Variants in ATP2B1 observed in about 807,000 individuals in gnomAD.
ATP2B1 encodes the protein plasma membrane calcium-transporting ATPase 1.
Under a neutral mutation model 124.2 loss-of-function variants are expected in ATP2B1, and 14 were observed. The ratio of observed to expected loss-of-function variants is 0.11; its 90% CI spans 0.07 to 0.18. The LOEUF is 0.18. Among genes scored for constraint, ATP2B1 ranks in the 10% least tolerant of loss-of-function variants. ATP2B1 has a pLI of 1.00. For synonymous variants in ATP2B1, 449 were observed against 492.4 expected (o/e 0.91, Z 1.17); for missense variants, 763 against 1,466.1 (o/e 0.52, Z 7.83).
intron 1 of ATP2B1, among the ~76,000 whole-genome samples, chr12:89,667,009 A>G (rs1887388293): frequency 6.6e-6 from 1 of 152,098 alleles, no homozygotes; most frequent in Admixed American, 6.6e-5. Context: ...AAAAACAAAA[A>G]ACATGTCTCT....
At chr12:89,675,430 G>C (rs1222979006) in intron 1 of ATP2B1, among the ~76,000 whole-genome samples, 2 of 152,126 alleles carry the variant, frequency 1.3e-5, no homozygotes, top group African/African-American at 4.8e-5. Flanking sequence ...CCTGTATTCT[G>C]AAAGCAGAAT....
intron 1 of ATP2B1, among the ~76,000 whole-genome samples, chr12:89,681,376 C>T (rs1037212905): frequency 2.3e-5 from 3 of 130,456 alleles, no homozygotes; most frequent in Admixed American, 9.1e-5. Flanking sequence ...AGAAAAATCC[C>T]TATAAATTTT....
At chr12:89,621,245 T>A (rs1879911862) in intron 10 of ATP2B1, among the ~76,000 whole-genome samples, 1 of 152,076 alleles carries the variant, frequency 6.6e-6, no homozygotes, top group African/African-American at 2.4e-5. Flanking sequence ...GACAGTTTGA[T>A]CTTTCTCAAA....
intron 1 of ATP2B1, among the ~76,000 whole-genome samples, chr12:89,665,741 C>T (rs1887239597): frequency 6.6e-6 from 1 of 152,180 alleles, no homozygotes; most frequent in Non-Finnish European, 1.5e-5. Context: ...GCAACATGAA[C>T]ACTTGAATGT....
chr12:89,688,928 G>C (rs1213763877), intron 1 of ATP2B1, among the ~76,000 whole-genome samples: 2 of 151,992 alleles, frequency 1.3e-5, no homozygotes, highest in African/African-American at 4.8e-5. Flanking sequence ...CGTATCTTTT[G>C]CTTATAGGTT....
chr12:89,634,289 T>C (rs1042733094), intron 5 of ATP2B1, among the ~76,000 whole-genome samples: 1 of 152,222 alleles, frequency 6.6e-6, no homozygotes, highest in African/African-American at 2.4e-5. Context: ...TCAAACTCAT[T>C]CTTCAGCAGT....
At chr12:89,641,955 C>T in intron 3 of ATP2B1, 1 of 570,290 alleles carries the variant, frequency 1.8e-6, no homozygotes, top group East Asian at 3.0e-5. Flanking sequence ...ACCTCTGTGC[C>T]TCATTGTAAA....
At chr12:89,685,447 C>A (rs1423130014) in intron 1 of ATP2B1, among the ~76,000 whole-genome samples, 2 of 152,086 alleles carry the variant, frequency 1.3e-5, no homozygotes, top group Non-Finnish European at 2.9e-5. Context: ...CTTTCTTCAA[C>A]AACTTCTTTC....
rs546583330 is a variant in ATP2B1 at position 89,700,632 on chromosome 12, T to C, written c.-222+7964A>G. Among the ~76,000 whole-genome samples, 19 of 152,318 alleles carry C rather than the reference T, an allele frequency of 1.2e-4. No individual in the cohort carries two copies. The South Asian group carries it at 3.7e-3, about 30-fold the overall frequency. On this transcript the variant is annotated intron_variant, in intron 1 of 20. Coordinates refer to ENST00000428670, the MANE Select transcript of ATP2B1 (RefSeq NM_001366521.1). ...TCCCAGTAGAAAAACAACTTACTAA[T>C]CTAACCAATTTCACTTTTGCTGATT...
chr12:89,676,399 T>TA (rs769664475), intron 1 of ATP2B1, among the ~76,000 whole-genome samples: 4 of 152,136 alleles, frequency 2.6e-5, no homozygotes, highest in East Asian at 1.9e-4. Flanking sequence ...ACACTCATCT[T>TA]AAAGTCATAA....
intron 1 of ATP2B1, among the ~76,000 whole-genome samples, chr12:89,658,274 C>T (rs1190144317): frequency 3.3e-5 from 5 of 152,148 alleles, no homozygotes; most frequent in East Asian, 3.9e-4. Flanking sequence ...TCACCATGGA[C>T]GTGAAATGAC....
intron 1 of ATP2B1, among the ~76,000 whole-genome samples, chr12:89,671,116 C>A (rs1408077013): frequency 6.6e-6 from 1 of 152,036 alleles, no homozygotes; most frequent in Admixed American, 6.5e-5. Flanking sequence ...AGGAGAATAT[C>A]AGCAATTTCA....
chr12:89,698,443 G>A (rs759037131), intron 1 of ATP2B1, among the ~76,000 whole-genome samples: 92 of 152,076 alleles, frequency 6.0e-4, no homozygotes, highest in South Asian at 6.2e-4. Context: ...ATTCTATAGC[G>A]ACAGAAAGCA....
chr12:89,682,193 T>A (rs1473030528), intron 1 of ATP2B1, among the ~76,000 whole-genome samples: 1 of 152,084 alleles, frequency 6.6e-6, no homozygotes, highest in African/African-American at 2.4e-5. Flanking sequence ...TCAAAATCTA[T>A]ATAAAGAAAA....
At chr12:89,619,785 C>T (rs997948129) in intron 11 of ATP2B1, among the ~76,000 whole-genome samples, 4 of 151,962 alleles carry the variant, frequency 2.6e-5, no homozygotes, top group Non-Finnish European at 5.9e-5. Context: ...CTTATTTTCC[C>T]TATAACAAAA....
chr12:89,639,807 A>G (rs868730545), intron 3 of ATP2B1, among the ~76,000 whole-genome samples: 2 of 152,268 alleles, frequency 1.3e-5, no homozygotes, highest in South Asian at 2.1e-4. Context: ...AAGCAGTTTG[A>G]ATTCCAAAAA....
At chr12:89,689,599 A>G (rs1039951233) in intron 1 of ATP2B1, among the ~76,000 whole-genome samples, 2 of 152,124 alleles carry the variant, frequency 1.3e-5, no homozygotes, top group African/African-American at 4.8e-5. Context: ...TAAATTCCCA[A>G]TTTGCAGCTC....
chr12:89,681,110 T>C (rs976484492), intron 1 of ATP2B1, among the ~76,000 whole-genome samples: 2 of 152,280 alleles, frequency 1.3e-5, no homozygotes, highest in South Asian at 2.1e-4. Context: ...GCATTTAATA[T>C]AGTTAATCGT....
intron 15 of ATP2B1, among the ~76,000 whole-genome samples, chr12:89,605,743 A>C (rs928143582): frequency 6.6e-6 from 1 of 152,238 alleles, no homozygotes; most frequent in African/African-American, 2.4e-5. Flanking sequence ...ACAAGATCCA[A>C]CACAAAGGAG....
Sources: allele counts gnomAD v4.1 joint callset (sites outside exome capture counted in the v4.1 genomes callset), GRCh38; gene constraint gnomAD v4.1.1; transcripts MANE v1.5; gene names NCBI Gene and HGNC (gene_info 2026-07-23, HGNC 2026-07-21).